BLTP3B: variants seen among roughly 807,000 people sequenced by gnomAD.
BLTP3B encodes bridge-like lipid transfer protein family member 3B.
the BLTP3B span, among the ~76,000 whole-genome samples, chr12:100,105,090 T>C: frequency 7.7e-3 from 1,179 of 152,222 alleles, 13 homozygotes; most frequent in African/African-American, 0.027. Flanking sequence ...TTCAACACAA[T>C]TCTTCTCAAA....
chr12:100,116,256 G>C, the BLTP3B span, among the ~76,000 whole-genome samples: 1 of 151,508 alleles, frequency 6.6e-6, no homozygotes, highest in African/African-American at 2.4e-5. Context: ...GTGGGAGGAT[G>C]GCTTGAGCCC....
chr12:100,109,316 C>G, the BLTP3B span, among the ~76,000 whole-genome samples: 1 of 152,010 alleles, frequency 6.6e-6, no homozygotes, highest in African/African-American at 2.4e-5. Flanking sequence ...GCCAATTAAA[C>G]TTCTTTCTTC....
the BLTP3B span, among the ~76,000 whole-genome samples, chr12:100,050,886 A>C: frequency 6.6e-6 from 1 of 152,190 alleles, no homozygotes; most frequent in Non-Finnish European, 1.5e-5. Context: ...TATGAATAAA[A>C]CAAATTTAGA....
chr12:100,110,076 C>T, the BLTP3B span, among the ~76,000 whole-genome samples: 2 of 152,088 alleles, frequency 1.3e-5, no homozygotes, highest in Admixed American at 6.6e-5. Flanking sequence ...CTATGCCCAA[C>T]AAATAATTTT....
At chr12:100,082,914 T>G in the BLTP3B span, 6 of 827,788 alleles carry the variant, frequency 7.2e-6, no homozygotes, top group Admixed American at 7.5e-5. Context: ...TCATAAACCT[T>G]GTAAAGATTT....
At chr12:100,123,170 T>C in the BLTP3B span, among the ~76,000 whole-genome samples, 1 of 151,986 alleles carries the variant, frequency 6.6e-6, no homozygotes, top group African/African-American at 2.4e-5. Flanking sequence ...GTCTGAGAGA[T>C]TAAAGGTATT....
At chr12:100,070,285 A>G in the BLTP3B span, 398 of 1,258,274 alleles carry the variant, frequency 3.2e-4, 3 homozygotes, top group African/African-American at 6.2e-3. Flanking sequence ...ATTTTTAATT[A>G]ATTAATTTTT....
the BLTP3B span, chr12:100,058,086 T>C: frequency 1.9e-6 from 3 of 1,606,994 alleles, no homozygotes; most frequent in Middle Eastern, 1.7e-4. Context: ...TTTACTGATA[T>C]CCAGGTTTTC....
the BLTP3B span, chr12:100,083,212 C>T: frequency 2.4e-4 from 240 of 985,150 alleles, 1 homozygote; most frequent in Admixed American, 3.3e-4. Context: ...AAGGCAGGTA[C>T]CAGAAATATA....
At chr12:100,128,743 A>C in the BLTP3B span, 1 of 1,279,074 alleles carries the variant, frequency 7.8e-7, no homozygotes, top group African/African-American at 1.5e-5. Flanking sequence ...GAATGGGTAC[A>C]CAGGGGACAC....
At chr12:100,074,687 GA>G in the BLTP3B span, among the ~76,000 whole-genome samples, 13 of 150,024 alleles carry the variant, frequency 8.7e-5, no homozygotes, top group Non-Finnish European at 1.9e-4. Flanking sequence ...CACAAAATTA[GA>G]AAAAAATTTT....
the BLTP3B span, among the ~76,000 whole-genome samples, chr12:100,071,529 G>T: frequency 2.1e-5 from 3 of 144,608 alleles, no homozygotes; most frequent in East Asian, 2.0e-4. Context: ...GGAATTTCTA[G>T]ATGAACTGAG....
the BLTP3B span, among the ~76,000 whole-genome samples, chr12:100,109,161 TC>T: frequency 2.1e-4 from 1 of 4,702 alleles, no homozygotes; most frequent in Non-Finnish European, 5.3e-4. Context: ...GCAGTTTTCC[TC>T]TCTCTCTCTC....
At chr12:100,048,059 T>C in the BLTP3B span, 185 of 1,612,976 alleles carry the variant, frequency 1.1e-4, 2 homozygotes, top group Admixed American at 3.1e-3. Context: ...AACTCAGTGC[T>C]GAAGTTTTCT....
chr12:100,083,055 A>G, the BLTP3B span: 1 of 1,613,844 alleles, frequency 6.2e-7, no homozygotes, highest in Non-Finnish European at 8.5e-7. Context: ...CCACAACAGA[A>G]CTAGACATTA....
the BLTP3B span, among the ~76,000 whole-genome samples, chr12:100,039,045 T>A: frequency 6.6e-6 from 1 of 152,192 alleles, no homozygotes; most frequent in Non-Finnish European, 1.5e-5. Context: ...CTGAATTCTA[T>A]ATCCCTAGCT....
chr12:100,129,979 T>A, the BLTP3B span, among the ~76,000 whole-genome samples: 1 of 152,338 alleles, frequency 6.6e-6, no homozygotes, highest in East Asian at 1.9e-4. Context: ...CCCCTTGGGA[T>A]GGAGTCTAAC....
At chr12:100,080,109 G>A in the BLTP3B span, among the ~76,000 whole-genome samples, 1 of 152,218 alleles carries the variant, frequency 6.6e-6, no homozygotes, top group Non-Finnish European at 1.5e-5. Flanking sequence ...CAGTGTGGAA[G>A]GGAAATGTGG....
chr12:100,128,562 G>A, the BLTP3B span: 6 of 1,180,106 alleles, frequency 5.1e-6, no homozygotes, highest in African/African-American at 1.6e-5. Context: ...AAAAAAGCAT[G>A]GGGAATAGAA....
Sources: allele counts gnomAD v4.1 joint callset (sites outside exome capture counted in the v4.1 genomes callset), GRCh38; gene constraint gnomAD v4.1.1; transcripts MANE v1.5; gene names NCBI Gene and HGNC (gene_info 2026-07-23, HGNC 2026-07-21).